NAALADL2: variants seen among roughly 807,000 people sequenced by gnomAD.
The protein encoded by NAALADL2 is inactive N-acetylated-alpha-linked acidic dipeptidase-like protein 2.
A neutral mutation model predicts 87.2 loss-of-function variants in NAALADL2; 76 were observed. The ratio of observed to expected loss-of-function variants is 0.87; its 90% CI spans 0.72 to 1.05. The LOEUF (loss-of-function observed/expected upper bound fraction) is 1.05. NAALADL2 is among the 50% of genes least tolerant of loss of function. NAALADL2 has a pLI of 0.00. For synonymous variants in NAALADL2, 354 were observed against 331.0 expected (o/e 1.07, Z -0.75); for missense variants, 1,089 against 945.8 (o/e 1.15, Z -1.99).
At chr3:175,097,440 G>C (rs1329703558) in intron 2 of NAALADL2, 149 bp downstream of exon 2, 2 of 730,624 alleles carry the variant, frequency 2.7e-6, no homozygotes, top group African/African-American at 1.8e-5. Context: ...ACTTCAAAGA[G>C]GGGAGCGCAC....
intron 2 of NAALADL2, among the ~76,000 whole-genome samples, chr3:175,191,344 T>A (rs1407468247): frequency 6.6e-6 from 1 of 152,160 alleles, no homozygotes; most frequent in Non-Finnish European, 1.5e-5. Flanking sequence ...TAATCAGGAA[T>A]TGGTAGAAGT....
chr3:175,094,733 T>TAA (rs145643714), intron 1 of NAALADL2, among the ~76,000 whole-genome samples: 78 of 129,088 alleles, frequency 6.0e-4, no homozygotes, highest in African/African-American at 1.8e-3. Flanking sequence ...GACTAAATGT[T>TAA]AAAAAAAAAG....
chr3:174,581,033 T>C (rs775530948), intron 2 of NAALADL2, among the ~76,000 whole-genome samples: 4 of 152,190 alleles, frequency 2.6e-5, no homozygotes, highest in Non-Finnish European at 4.4e-5. Context: ...TTGGCTATTA[T>C]AGTAATGACA....
intron 11 of NAALADL2, among the ~76,000 whole-genome samples, chr3:175,645,818 A>AAACC: frequency 6.6e-6 from 1 of 152,246 alleles, no homozygotes; most frequent in Non-Finnish European, 1.5e-5. Context: ...AGGGTTCTAA[A>AAACC]AACCAATAAA....
chr3:175,093,162 T>C (rs1249983445), intron 1 of NAALADL2, among the ~76,000 whole-genome samples: 1 of 151,714 alleles, frequency 6.6e-6, no homozygotes, highest in Non-Finnish European at 1.5e-5. Context: ...GGCATTATTA[T>C]GTGATTATGT....
intron 1 of NAALADL2, among the ~76,000 whole-genome samples, chr3:174,898,670 TA>T (rs911928371): frequency 1.3e-5 from 2 of 151,744 alleles, no homozygotes; most frequent in Admixed American, 6.6e-5. Flanking sequence ...TAAATAAAAA[TA>T]AAAAATTATA....
At chr3:175,567,666 A>G (rs1717395889) in intron 9 of NAALADL2, among the ~76,000 whole-genome samples, 1 of 151,506 alleles carries the variant, frequency 6.6e-6, no homozygotes, top group Admixed American at 6.6e-5. Context: ...ACCCTGAGAA[A>G]TTGGAGATTT....
At chr3:175,412,831 G>C (rs1002503517) in intron 5 of NAALADL2, among the ~76,000 whole-genome samples, 8 of 149,914 alleles carry the variant, frequency 5.3e-5, no homozygotes, top group African/African-American at 2.0e-4. Context: ...CAAGTATTGG[G>C]ACATTTTGGG....
chr3:174,873,676 T>G (rs1728139502), intron 1 of NAALADL2, among the ~76,000 whole-genome samples: 1 of 152,100 alleles, frequency 6.6e-6, no homozygotes, highest in African/African-American at 2.4e-5. Context: ...GAATTTTACA[T>G]TTTGAGTCAA....
intron 3 of NAALADL2, among the ~76,000 whole-genome samples, chr3:174,842,993 A>C (rs535294799): frequency 7.7e-4 from 117 of 152,160 alleles, no homozygotes; most frequent in Admixed American, 1.6e-3. Context: ...TAATTGGTAA[A>C]TTGTAATTGT....
intron 2 of NAALADL2, among the ~76,000 whole-genome samples, chr3:175,194,835 A>G (rs1396237757): frequency 6.6e-6 from 1 of 151,788 alleles, no homozygotes; most frequent in African/African-American, 2.4e-5. Flanking sequence ...TAGTTATAAT[A>G]CTAAGAGTAT....
chr3:174,514,732 T>C (rs925746525), intron 1 of NAALADL2, among the ~76,000 whole-genome samples: 2 of 152,166 alleles, frequency 1.3e-5, no homozygotes, highest in Non-Finnish European at 2.9e-5. Context: ...TTCTTTGATC[T>C]AATGTATGAT....
At chr3:175,547,794 G>T (rs1713616969) in intron 9 of NAALADL2, among the ~76,000 whole-genome samples, 1 of 118,198 alleles carries the variant, frequency 8.5e-6, no homozygotes, top group Non-Finnish European at 1.9e-5. Flanking sequence ...ACAATCATAT[G>T]AAAAAAAGCT....
At chr3:175,441,094 T>C (rs536402696) in intron 5 of NAALADL2, among the ~76,000 whole-genome samples, 54 of 152,218 alleles carry the variant, frequency 3.5e-4, no homozygotes, top group African/African-American at 1.2e-3. Flanking sequence ...TTTTATAAAC[T>C]ATATAAATTA....
intron 13 of NAALADL2, among the ~76,000 whole-genome samples, chr3:175,779,220 A>C (rs1750676518): frequency 6.6e-6 from 1 of 152,132 alleles, no homozygotes. Flanking sequence ...TTCAGGAAGA[A>C]AAAGGAAGTT....
At chr3:174,682,073 G>T (rs1197404349) in intron 2 of NAALADL2, among the ~76,000 whole-genome samples, 2 of 152,100 alleles carry the variant, frequency 1.3e-5, no homozygotes, top group African/African-American at 2.4e-5. Context: ...CCCAACCAAA[G>T]GCAGCACAGC....
intron 3 of NAALADL2, among the ~76,000 whole-genome samples, chr3:174,843,565 A>T (rs1168379710): frequency 6.6e-6 from 1 of 152,170 alleles, no homozygotes; most frequent in African/African-American, 2.4e-5. Flanking sequence ...CAGTAATGAG[A>T]TTGCAAGAAC....
At chr3:175,009,098 C>T (rs912100260) in intron 1 of NAALADL2, among the ~76,000 whole-genome samples, 4 of 152,076 alleles carry the variant, frequency 2.6e-5, no homozygotes, top group East Asian at 1.9e-4. Flanking sequence ...TTCAGAACCA[C>T]GTGGAGAGCT....
At chr3:175,504,054 T>G (rs1027858352) in intron 9 of NAALADL2, among the ~76,000 whole-genome samples, 1 of 152,216 alleles carries the variant, frequency 6.6e-6, no homozygotes, top group Non-Finnish European at 1.5e-5. Context: ...AAGGTTTTTA[T>G]AGTTTTAGGT....
Sources: gnomAD v4.1 joint callset for allele counts (sites outside exome capture counted in the v4.1 genomes callset) on GRCh38, gnomAD v4.1.1 for gene constraint, MANE v1.5 for transcripts, NCBI Gene and HGNC (gene_info 2026-07-23, HGNC 2026-07-21) for gene names.